The following CDH18 variants were observed in gnomAD, a reference collection of about 807,000 sequenced individuals.
CDH18 encodes the protein cadherin 18.
Under a neutral mutation model 67.9 loss-of-function variants are expected in CDH18, and 31 were observed. The observed-to-expected ratio is 0.46, with a 90% CI of 0.34 to 0.62. CDH18 has a LOEUF of 0.62. Ranked by LOEUF, CDH18 falls within the 20% of genes least tolerant of loss-of-function variation. The pLI is 0.01. For missense variants in CDH18, 890 were observed against 975.5 expected, an observed-to-expected ratio of 0.91 and a Z score of 1.17; for synonymous variants, 362 against 347.2, an observed-to-expected ratio of 1.04 and a Z score of -0.48.
At chr5:20,063,460 T>C (rs1742685462) in intron 2 of CDH18, among the ~76,000 whole-genome samples, 1 of 152,100 alleles carries the variant, frequency 6.6e-6, no homozygotes, top group South Asian at 2.1e-4. Flanking sequence ...ACCATTATCT[T>C]GTATCATAGC....
In CDH18 at chr5:19,924,631, TAACAAACA is replaced by T. The variant is rs566168654; in HGVS notation, c.-257+56421_-257+56428del. Reference sequence around the variant, plus strand: ...AAAGAGCAAGACTCTGTCTCAAAACTAACAAACAAACAAACAAACAAAACAATAGGACT... The same window carrying T: ...AAAGAGCAAGACTCTGTCTCAAAACTAACAAACAAACAAAACAATAGGACT... On this transcript the variant is annotated intron_variant, in intron 2 of 12. Transcript: ENST00000382275. Among the ~76,000 whole-genome samples the T allele has an allele frequency of 4.8e-4, 73 of 152,050 alleles. 1 individual carries two copies. The highest frequency in any genetic ancestry group is 8.4e-4 in the Non-Finnish European group (57 of 67,948).
chr5:19,627,935 C>T (rs370552175), intron 5 of CDH18, among the ~76,000 whole-genome samples: 1 of 152,146 alleles, frequency 6.6e-6, no homozygotes, highest in African/African-American at 2.4e-5. Context: ...ACATCACTAT[C>T]ATGCTGTTAG....
At chr5:20,008,896 G>C (rs886439034) in intron 2 of CDH18, among the ~76,000 whole-genome samples, 3 of 152,070 alleles carry the variant, frequency 2.0e-5, no homozygotes, top group Admixed American at 2.0e-4. Flanking sequence ...ACTTGTAAAG[G>C]TGAAAATGGA....
At chr5:20,261,539 T>C (rs190383460) in intron 1 of CDH18, among the ~76,000 whole-genome samples, 31 of 152,114 alleles carry the variant, frequency 2.0e-4, no homozygotes, top group Non-Finnish European at 3.2e-4. Flanking sequence ...AGGAGATCAG[T>C]ACCATCCTGG....
intron 1 of CDH18, among the ~76,000 whole-genome samples, chr5:20,561,659 T>C (rs1164699793): frequency 6.6e-6 from 1 of 152,008 alleles, no homozygotes; most frequent in African/African-American, 2.4e-5. Context: ...TCTGTATGAT[T>C]CTATAATAGT....
At chr5:19,749,396 C>T (rs1770537082) in intron 3 of CDH18, among the ~76,000 whole-genome samples, 1 of 151,178 alleles carries the variant, frequency 6.6e-6, no homozygotes. Flanking sequence ...TGTGTTATGT[C>T]TTTTAACAAT....
chr5:20,172,836 C>T (rs1736939051), intron 2 of CDH18, among the ~76,000 whole-genome samples: 1 of 151,550 alleles, frequency 6.6e-6, no homozygotes, highest in Non-Finnish European at 1.5e-5. Context: ...GCTAAAAATA[C>T]AAAATTAGCC....
intron 1 of CDH18, among the ~76,000 whole-genome samples, chr5:20,328,259 A>T (rs1738799995): frequency 6.6e-6 from 1 of 152,210 alleles, no homozygotes; most frequent in Non-Finnish European, 1.5e-5. Flanking sequence ...CCCAGTAAGG[A>T]AGGTATCAAC....
rs190682360 is a variant in CDH18 at position 19,836,354 on chromosome 5, G to A, written c.228+2405C>T. 8.8e-4 allele frequency among the ~76,000 whole-genome samples: 134 copies of A among 152,130 alleles called. 1 individual carries two copies. The South Asian group carries it at 0.01, about 12-fold the overall frequency. The stretch of plus-strand genomic sequence containing the variant: ...GTTGTTTCCTGACTTTTTAATGACC[G>A]CCATTCTACCTGGCATTAGATGGTA... On this transcript the variant is annotated intron_variant, in intron 3 of 12. Transcript: ENST00000382275.
chr5:19,516,479 T>C (rs1055615932), intron 10 of CDH18, among the ~76,000 whole-genome samples: 18 of 151,940 alleles, frequency 1.2e-4, no homozygotes, highest in African/African-American at 4.1e-4. Flanking sequence ...AGTCTGGTCC[T>C]AGACTTTTTT....
chr5:19,660,180 T>C (rs1487132869), intron 5 of CDH18, among the ~76,000 whole-genome samples: 1 of 152,154 alleles, frequency 6.6e-6, no homozygotes, highest in Non-Finnish European at 1.5e-5. Context: ...TTTGCCTCAT[T>C]ATGAACATTT....
chr5:19,759,339 G>A (rs1312388805), intron 3 of CDH18, among the ~76,000 whole-genome samples: 1 of 152,114 alleles, frequency 6.6e-6, no homozygotes, highest in Non-Finnish European at 1.5e-5. Flanking sequence ...ATCCCTCCAG[G>A]GATGCAATAT....
intron 1 of CDH18, among the ~76,000 whole-genome samples, chr5:20,513,152 A>T (rs970311865): frequency 1.3e-5 from 2 of 152,158 alleles, no homozygotes; most frequent in African/African-American, 4.8e-5. Flanking sequence ...AAAACTCTAA[A>T]ACTAGTCTTC....
chr5:19,736,747 C>A (rs1768384839), intron 4 of CDH18, among the ~76,000 whole-genome samples: 1 of 152,052 alleles, frequency 6.6e-6, no homozygotes, highest in Non-Finnish European at 1.5e-5. Context: ...TAGAGAGTAG[C>A]ACCGCTTTTA....
intron 2 of CDH18, among the ~76,000 whole-genome samples, chr5:19,896,724 T>G (rs1448921391): frequency 6.6e-6 from 1 of 152,216 alleles, no homozygotes; most frequent in Non-Finnish European, 1.5e-5. Context: ...TAATATTGCA[T>G]AGAAACACAA....
chr5:20,034,021 A>G (rs1230774048), intron 2 of CDH18, among the ~76,000 whole-genome samples: 1 of 152,100 alleles, frequency 6.6e-6, no homozygotes, highest in Non-Finnish European at 1.5e-5. Context: ...AAAATTGAAA[A>G]GAATGACTTA....
At chr5:19,726,860 G>A (rs572421233) in intron 4 of CDH18, among the ~76,000 whole-genome samples, 8 of 152,210 alleles carry the variant, frequency 5.3e-5, no homozygotes, top group Admixed American at 1.3e-4. Context: ...TGCAAATACC[G>A]TGTGAGAGCA....
At chr5:20,263,020 A>C (rs13177301) in intron 1 of CDH18, among the ~76,000 whole-genome samples, 3 of 90,528 alleles carry the variant, frequency 3.3e-5, no homozygotes, top group Non-Finnish European at 2.1e-5. Flanking sequence ...AGGGGAGGGA[A>C]GGGGAAGAAG....
intron 10 of CDH18, among the ~76,000 whole-genome samples, chr5:19,505,294 T>C (rs1307636491): frequency 1.3e-5 from 2 of 152,122 alleles, no homozygotes; most frequent in African/African-American, 2.4e-5. Flanking sequence ...CTTTTCCTAA[T>C]TGAATACCCT....
Sources: gnomAD v4.1 joint callset for allele counts (sites outside exome capture counted in the v4.1 genomes callset) on GRCh38, gnomAD v4.1.1 for gene constraint, MANE v1.5 for transcripts, NCBI Gene and HGNC (gene_info 2026-07-23, HGNC 2026-07-21) for gene names.